The following MLLT3 variants were observed in gnomAD, a reference collection of about 807,000 sequenced individuals.
MLLT3 encodes MLLT3 super elongation complex subunit.
In MLLT3, 4 loss-of-function variants were observed where a neutral mutation model predicts 53.2. The observed-to-expected ratio is 0.08, with a 90% confidence interval of 0.04 to 0.17. MLLT3 has a LOEUF of 0.17. Ranked by LOEUF, MLLT3 falls within the 10% of genes least tolerant of loss-of-function variation. MLLT3 has a pLI of 1.00. For missense variants in MLLT3, 569 were observed against 684.0 expected, an observed-to-expected ratio of 0.83 and a Z score of 1.87; for synonymous variants, 283 against 230.6, an observed-to-expected ratio of 1.23 and a Z score of -2.06.
At chr9:20,551,436 T>C (rs976578934) in intron 2 of MLLT3, among the ~76,000 whole-genome samples, 5 of 152,224 alleles carry the variant, frequency 3.3e-5, no homozygotes, top group African/African-American at 9.6e-5. Flanking sequence ...AATTATTACA[T>C]GGACCTGCTT....
rs1586918612 is a variant in MLLT3 at position 20,397,957 on chromosome 9, T to A, written c.1125+15764A>T. On this transcript the variant is annotated intron_variant, in intron 5 of 10. Transcript: ENST00000380338. Reference sequence around the variant, plus strand: ...CTAAGACCCTAATTTTTAGGGGAACTAACTTCATCTTCCACATCTTGTTTC... The same window carrying A: ...CTAAGACCCTAATTTTTAGGGGAACAAACTTCATCTTCCACATCTTGTTTC... 2.6e-5 allele frequency among the ~76,000 whole-genome samples: 4 copies of A among 152,250 alleles called. No homozygotes were observed. In the South Asian group the frequency reaches 8.3e-4, roughly 32 times the overall value.
intron 2 of MLLT3, among the ~76,000 whole-genome samples, chr9:20,615,360 G>GAAAAAAAAAAAAAAAAAAAAAAA (rs10601830): frequency 2.1e-5 from 1 of 48,774 alleles, no homozygotes; most frequent in Non-Finnish European, 3.8e-5. Context: ...CAGACCATGT[G>GAAAAAAAAAAAAAAAAAAAAAAA]AAAAAAAAAA....
intron 2 of MLLT3, among the ~76,000 whole-genome samples, chr9:20,510,570 T>C (rs1211436237): frequency 7.2e-6 from 1 of 139,268 alleles, no homozygotes; most frequent in East Asian, 2.1e-4. Context: ...CAAGATCATA[T>C]GACTGCACTC....
At chr9:20,449,479 A>G (rs1024085744) in intron 3 of MLLT3, among the ~76,000 whole-genome samples, 7 of 152,216 alleles carry the variant, frequency 4.6e-5, no homozygotes, top group African/African-American at 1.7e-4. Context: ...ACGCAAGGTG[A>G]AAATACAGAC....
intron 5 of MLLT3, among the ~76,000 whole-genome samples, chr9:20,382,923 T>A (rs564462720): frequency 1.3e-5 from 2 of 151,964 alleles, no homozygotes; most frequent in Non-Finnish European, 1.5e-5. Flanking sequence ...GACCTGCCCA[T>A]CCTATCAGTA....
At chr9:20,450,140 T>G (rs1348494970) in intron 3 of MLLT3, among the ~76,000 whole-genome samples, 1 of 152,232 alleles carries the variant, frequency 6.6e-6, no homozygotes, top group Non-Finnish European at 1.5e-5. Context: ...CAAGGTTAAA[T>G]TACACAAAAA....
At position 20,620,921 on chromosome 9, in the gene MLLT3, C is replaced by T. The variant is rs548610899; in HGVS notation, c.13-87G>A. 5.6e-6 allele frequency: 8 copies of T among 1,426,350 alleles called. No individual in the cohort carries two copies. In the African/African-American group the frequency reaches 9.8e-5, roughly 17 times the overall value. 88.4% of individuals were successfully genotyped at this position (1,426,350 alleles called of 1,614,324 possible). A position where few individuals can be genotyped will look rare whatever the true frequency, so the allele number is the denominator to read the frequency against. ...CGTTGCGCCTGACATTTTTTTCCTC[C>T]TTCTTGAAACGCACATAAAAGGAAA... On this transcript the variant is annotated intron_variant, in intron 1 of 10. Transcript: ENST00000380338. This position sits in a 1 kb window ranked among gnomAD's most constrained non-coding sequence, Gnocchi z 6.1.
rs764668456 is a variant in MLLT3, at chr9:20,342,351, T to C, written c.*4092A>G. ...AGCATGTACACATACACAATGTATC[T>C]TTCAACATAACTACACATACACAGT... On this transcript the variant is annotated 3_prime_UTR_variant, in exon 11 of 11. Transcript: ENST00000380338. 1 of 225,000 alleles carries C rather than the reference T, an allele frequency of 4.4e-6. No homozygotes were observed. The highest frequency in any genetic ancestry group is 8.9e-6 in the Non-Finnish European group (1 of 112,932). 13.9% of individuals were successfully genotyped at this position (225,000 alleles called of 1,614,324 possible). A position where few individuals can be genotyped will look rare whatever the true frequency, so the allele number is the denominator to read the frequency against.
At chr9:20,502,519 A>C (rs1267318936) in intron 2 of MLLT3, among the ~76,000 whole-genome samples, 1 of 152,184 alleles carries the variant, frequency 6.6e-6, no homozygotes, top group Non-Finnish European at 1.5e-5. Flanking sequence ...ACAGATTGAA[A>C]TATTAGGAGA....
intron 2 of MLLT3, among the ~76,000 whole-genome samples, chr9:20,599,458 TAA>T (rs11354753): frequency 0.014 from 1,962 of 142,494 alleles, 42 homozygotes; most frequent in African/African-American, 0.045. Flanking sequence ...ACCAGATGTT[TAA>T]AAAAAAAAAA....
intron 2 of MLLT3, among the ~76,000 whole-genome samples, chr9:20,518,192 A>C (rs1817964731): frequency 1.3e-5 from 2 of 152,264 alleles, no homozygotes; most frequent in South Asian, 4.1e-4. Context: ...CTAAAAATAA[A>C]AAATTAGCCG....
At chr9:20,356,469 C>T (rs1821173807) in intron 8 of MLLT3, among the ~76,000 whole-genome samples, 1 of 151,990 alleles carries the variant, frequency 6.6e-6, no homozygotes, top group South Asian at 2.1e-4. Context: ...AGCGCTGAGA[C>T]CTAGGAGCAA....
chr9:20,375,610 C>T (rs867064685), intron 5 of MLLT3, among the ~76,000 whole-genome samples: 1,588 of 94,440 alleles, frequency 0.017, 59 homozygotes, highest in African/African-American at 0.14. Flanking sequence ...TTTTTCTTTT[C>T]TTTTTTTTTT....
chr9:20,383,466 A>AC (rs1474961534), intron 5 of MLLT3, among the ~76,000 whole-genome samples: 65 of 151,968 alleles, frequency 4.3e-4, no homozygotes, highest in Admixed American at 3.2e-3. Context: ...TAGCTATGTG[A>AC]CCTTAGCACA....
At chr9:20,439,172 G>A (rs111740159) in intron 4 of MLLT3, among the ~76,000 whole-genome samples, 4,104 of 152,082 alleles carry the variant, frequency 0.027, 139 homozygotes, top group East Asian at 0.13. Context: ...TGACCAACAC[G>A]GTGAAACCCC....
In MLLT3 at chr9:20,366,930, A is replaced by G. The variant is rs956322640; in HGVS notation, c.1126-1186T>C. 5.9e-5 allele frequency among the ~76,000 whole-genome samples: 9 copies of G among 152,232 alleles called. No homozygotes were observed. The East Asian group carries it at 1.5e-3, about 26-fold the overall frequency. Reference sequence around the variant, plus strand: ...ACTCAACTGGTTAAAACATAGTGGTAATGAGGCTAAGGTCATTAGTTCAAT... The same window carrying G: ...ACTCAACTGGTTAAAACATAGTGGTGATGAGGCTAAGGTCATTAGTTCAAT... On this transcript the variant is annotated intron_variant, in intron 5 of 10. Transcript: ENST00000380338.
At chr9:20,371,818 T>C (rs1326420199) in intron 5 of MLLT3, among the ~76,000 whole-genome samples, 1 of 152,236 alleles carries the variant, frequency 6.6e-6, no homozygotes, top group Admixed American at 6.5e-5. Context: ...ATACATTTTG[T>C]AAGGCTATAG....
intron 4 of MLLT3, among the ~76,000 whole-genome samples, chr9:20,421,308 A>C (rs530956066): frequency 2.0e-5 from 3 of 152,202 alleles, no homozygotes; most frequent in African/African-American, 7.2e-5. Context: ...ATAAATCAAA[A>C]GAAAACAATG....
intron 4 of MLLT3, among the ~76,000 whole-genome samples, chr9:20,445,211 C>G (rs1353972908): frequency 6.6e-6 from 1 of 152,116 alleles, no homozygotes; most frequent in Non-Finnish European, 1.5e-5. Flanking sequence ...AAGTAAATCA[C>G]TCTGTATTCA....
Sources: gnomAD v4.1 joint callset for allele counts (sites outside exome capture counted in the v4.1 genomes callset) on GRCh38, gnomAD v4.1.1 for gene constraint, Gnocchi (gnomAD v3.1) non-coding constraint, MANE v1.5 for transcripts, NCBI Gene and HGNC (gene_info 2026-07-23, HGNC 2026-07-21) for gene names.